The following ROBO1 variants were observed in gnomAD, a reference collection of about 807,000 sequenced individuals.
ROBO1 encodes roundabout homolog 1.
A neutral mutation model predicts 195.9 loss-of-function variants in ROBO1; 149 were observed. The ratio of observed to expected loss-of-function variants is 0.76; its 90% CI spans 0.67 to 0.87. ROBO1 has a LOEUF of 0.87. Ranked by LOEUF, ROBO1 falls within the 40% of genes least tolerant of loss-of-function variation. The pLI, the probability that ROBO1 is intolerant of heterozygous loss-of-function variation, is 0.00. For synonymous variants in ROBO1, 816 were observed against 733.2 expected (o/e 1.11, Z -1.82); for missense variants, 1,933 against 2,068.3 (o/e 0.93, Z 1.27).
At chr3:79,754,923 C>T (rs1704309461) in intron 1 of ROBO1, among the ~76,000 whole-genome samples, 1 of 152,122 alleles carries the variant, frequency 6.6e-6, no homozygotes, top group South Asian at 2.1e-4. Flanking sequence ...TCTTGTTGCG[C>T]AGGCTGGAGT....
intron 2 of ROBO1, among the ~76,000 whole-genome samples, chr3:79,525,265 T>C (rs1197938991): frequency 6.7e-6 from 1 of 150,270 alleles, no homozygotes; most frequent in Non-Finnish European, 1.5e-5. Context: ...ATAATGTCTG[T>C]ATAATTACAT....
chr3:79,411,332 C>T (rs984352280), intron 2 of ROBO1, among the ~76,000 whole-genome samples: 4 of 152,178 alleles, frequency 2.6e-5, no homozygotes, highest in Admixed American at 6.6e-5. Flanking sequence ...TTCTTAAATA[C>T]ACAGACATAT....
intron 1 of ROBO1, among the ~76,000 whole-genome samples, chr3:79,639,420 G>T (rs2106650277): frequency 6.6e-6 from 1 of 152,164 alleles, no homozygotes; most frequent in Non-Finnish European, 1.5e-5. Context: ...TAAATAAAAT[G>T]TAAGAAGAAA....
intron 2 of ROBO1, among the ~76,000 whole-genome samples, chr3:79,562,081 C>T (rs1006178429): frequency 1.3e-5 from 2 of 152,054 alleles, no homozygotes; most frequent in African/African-American, 2.4e-5. Context: ...ACTAATTCAG[C>T]AATTAATCTT....
At chr3:79,050,300 A>G (rs1434986088) in intron 3 of ROBO1, among the ~76,000 whole-genome samples, 5 of 152,190 alleles carry the variant, frequency 3.3e-5, no homozygotes, top group Non-Finnish European at 7.3e-5. Context: ...AGAGACAAAG[A>G]AGGCCATTAC....
intron 2 of ROBO1, among the ~76,000 whole-genome samples, chr3:79,314,413 A>G (rs2033636750): frequency 6.6e-6 from 1 of 152,072 alleles, no homozygotes; most frequent in Admixed American, 6.5e-5. Context: ...TTCTCATGAG[A>G]TCTGATGGTT....
intron 21 of ROBO1, among the ~76,000 whole-genome samples, chr3:78,645,054 C>G (rs981732861): frequency 2.0e-5 from 3 of 152,078 alleles, no homozygotes; most frequent in Non-Finnish European, 2.9e-5. Context: ...ATTCCTGAAT[C>G]AAGTGGATTT....
chr3:78,690,502 G>A (rs2081148241), intron 8 of ROBO1, among the ~76,000 whole-genome samples: 1 of 152,032 alleles, frequency 6.6e-6, no homozygotes, highest in Non-Finnish European at 1.5e-5. Context: ...ACTCATGAAT[G>A]TAGCAAACAC....
intron 1 of ROBO1, among the ~76,000 whole-genome samples, chr3:79,625,423 G>GAAAAAAAAAAAAA: frequency 7.9e-4 from 11 of 13,878 alleles, no homozygotes; most frequent in East Asian, 6.4e-3. Context: ...TGTTTTTTTT[G>GAAAAAAAAAAAAA]AAAAAAAAAA....
intron 3 of ROBO1, among the ~76,000 whole-genome samples, chr3:79,114,070 T>C (rs1041485892): frequency 6.6e-6 from 1 of 152,198 alleles, no homozygotes; most frequent in Non-Finnish European, 1.5e-5. Context: ...GGAGTTCCCC[T>C]GCACAAGCTG....
intron 5 of ROBO1, among the ~76,000 whole-genome samples, chr3:78,743,401 G>A (rs952162903): frequency 6.6e-6 from 1 of 151,872 alleles, no homozygotes; most frequent in African/African-American, 2.4e-5. Flanking sequence ...TTTACTTGGC[G>A]GCCCTTCTAA....
At chr3:79,476,605 A>AT (rs540311806) in intron 2 of ROBO1, among the ~76,000 whole-genome samples, 231 of 152,276 alleles carry the variant, frequency 1.5e-3, no homozygotes, top group Non-Finnish European at 2.6e-3. Flanking sequence ...ACATAATGGC[A>AT]TTTGTAGCAA....
chr3:79,692,041 A>C (rs535947443), intron 1 of ROBO1, among the ~76,000 whole-genome samples: 3 of 151,892 alleles, frequency 2.0e-5, no homozygotes, highest in African/African-American at 4.8e-5. Flanking sequence ...AAAGTCAGAG[A>C]AAACCTTCTG....
intron 2 of ROBO1, among the ~76,000 whole-genome samples, chr3:79,326,714 T>C (rs2034228711): frequency 6.6e-6 from 1 of 152,240 alleles, no homozygotes; most frequent in African/African-American, 2.4e-5. Context: ...ACAATTTTTC[T>C]ACTTCACAGT....
chr3:79,315,238 T>A (rs1458500437), intron 2 of ROBO1, among the ~76,000 whole-genome samples: 1 of 152,118 alleles, frequency 6.6e-6, no homozygotes, highest in Non-Finnish European at 1.5e-5. Context: ...GGCCAGGAGT[T>A]CAGTACCAGC....
intron 2 of ROBO1, among the ~76,000 whole-genome samples, chr3:79,582,733 C>G (rs1576066923): frequency 6.6e-6 from 1 of 151,970 alleles, no homozygotes; most frequent in Admixed American, 6.6e-5. Context: ...ACATATGGCT[C>G]CTCCAGATTT....
chr3:78,719,971 T>C (rs1359370780), intron 5 of ROBO1, among the ~76,000 whole-genome samples: 1 of 152,198 alleles, frequency 6.6e-6, no homozygotes, highest in African/African-American at 2.4e-5. Context: ...ATATATCATT[T>C]AAATTTTTGT....
intron 4 of ROBO1, among the ~76,000 whole-genome samples, chr3:78,756,504 T>C (rs150889951): frequency 2.7e-4 from 41 of 152,306 alleles, no homozygotes; most frequent in African/African-American, 9.9e-4. Context: ...AAAAATCTTA[T>C]GGATTTTGTG....
chr3:78,816,958 C>T (rs545534709), intron 4 of ROBO1, among the ~76,000 whole-genome samples: 1 of 150,200 alleles, frequency 6.7e-6, no homozygotes, highest in African/African-American at 2.4e-5. Context: ...GCAGTGTGCA[C>T]ATGTACCCTA....
Sources: gnomAD v4.1 joint callset for allele counts (sites outside exome capture counted in the v4.1 genomes callset) on GRCh38, gnomAD v4.1.1 for gene constraint, MANE v1.5 for transcripts, NCBI Gene and HGNC (gene_info 2026-07-23, HGNC 2026-07-21) for gene names.